The following FAM169A variants were observed in gnomAD, a reference collection of about 807,000 sequenced individuals.
FAM169A encodes soluble lamin-associated protein of 75 kDa.
A neutral mutation model predicts 75.7 loss-of-function variants in FAM169A; 24 were observed. The ratio of observed to expected loss-of-function variants is 0.32; its 90% CI spans 0.23 to 0.45. The LOEUF is 0.45. FAM169A is among the 20% of genes least tolerant of loss of function. The pLI, the probability that FAM169A is intolerant of heterozygous loss-of-function variation, is 1.00. For synonymous variants in FAM169A, 271 were observed against 271.0 expected (o/e 1.00, Z 0.00); for missense variants, 673 against 784.0 (o/e 0.86, Z 1.69).
chr5:74,809,544 CGAGATTGTGCCACT>C (rs1299866262), intron 6 of FAM169A, among the ~76,000 whole-genome samples: 1 of 151,948 alleles, frequency 6.6e-6, no homozygotes, highest in Admixed American at 6.6e-5. Context: ...TGCAGTGAGC[CGAGATTGTGCCACT>C]GCACTCCAGC....
intron 11 of FAM169A, among the ~76,000 whole-genome samples, chr5:74,795,173 A>G (rs1053171037): frequency 1.1e-4 from 17 of 151,240 alleles, no homozygotes; most frequent in Admixed American, 9.9e-4. Context: ...CAGGAGAATC[A>G]CTTGAACCCA....
chr5:74,821,009 A>C (rs946713529), intron 5 of FAM169A, among the ~76,000 whole-genome samples: 19 of 152,242 alleles, frequency 1.2e-4, no homozygotes, highest in African/African-American at 4.6e-4. Context: ...TCACTATTCC[A>C]TCACTTCATT....
intron 5 of FAM169A, among the ~76,000 whole-genome samples, chr5:74,822,634 A>G (rs1747820882): frequency 6.6e-6 from 1 of 152,162 alleles, no homozygotes; most frequent in African/African-American, 2.4e-5. Context: ...CTCACTTTAT[A>G]CAACAGTTTT....
intron 11 of FAM169A, among the ~76,000 whole-genome samples, chr5:74,793,246 A>T (rs1057055437): frequency 2.2e-4 from 33 of 151,358 alleles, no homozygotes; most frequent in African/African-American, 7.0e-4. Context: ...AATCACTTGA[A>T]CCAGGGAGTT....
intron 1 of FAM169A, among the ~76,000 whole-genome samples, chr5:74,853,525 AG>A (rs1200210941): frequency 3.9e-5 from 6 of 152,150 alleles, no homozygotes; most frequent in Admixed American, 3.3e-4. Context: ...CCTGGTGGCC[AG>A]GTTTAAAGGT....
At position 74,818,878 on chromosome 5, in the gene FAM169A, T is replaced by C. The variant is rs150234080; in HGVS notation, c.491-4859A>G. On this transcript the variant is annotated intron_variant, in intron 5 of 12. Transcript: ENST00000687041. ...TGGGCAGGTTTTCGTATGTCAGTTA[T>C]ATCACAATAAGGCTGGGAAAAATGT... Among the ~76,000 whole-genome samples the C allele has an allele frequency of 1.4e-3, 209 of 151,872 alleles. 2 individuals carry two copies. Among genetic ancestry groups the C allele is most frequent in the African/African-American group, 4.6e-3 (191 of 41,386 alleles).
chr5:74,791,145 T>C (rs529218634), intron 11 of FAM169A, among the ~76,000 whole-genome samples: 1 of 152,306 alleles, frequency 6.6e-6, no homozygotes, highest in African/African-American at 2.4e-5. Context: ...AGCAGCTGGA[T>C]TGACAGAATG....
chr5:74,863,023 TAAAAA>T (rs10634527), intron 1 of FAM169A, among the ~76,000 whole-genome samples: 7 of 126,606 alleles, frequency 5.5e-5, no homozygotes, highest in Non-Finnish European at 9.7e-5. Context: ...TGTATTCATT[TAAAAA>T]AAAAAAAAAA....
chr5:74,850,860 G>A lies in FAM169A; in HGVS notation c.-3-9181C>T, dbSNP rs575034504. 1.2e-4 allele frequency among the ~76,000 whole-genome samples: 19 copies of A among 152,180 alleles called. No individual in the cohort carries two copies. In the South Asian group the frequency reaches 3.9e-3, roughly 32 times the overall value. ...CATGAATAGAAAATTCATAAAACAG[G>A]AAAAACAAACCACTTCTTTTTTTGA... On this transcript the variant is annotated intron_variant, in intron 1 of 12. Coordinates refer to ENST00000687041, the MANE Select transcript of FAM169A (RefSeq NM_001376049.1).
At chr5:74,862,640 C>T (rs901179217) in intron 1 of FAM169A, among the ~76,000 whole-genome samples, 9 of 152,188 alleles carry the variant, frequency 5.9e-5, no homozygotes, top group Non-Finnish European at 1.3e-4. Flanking sequence ...TTACTTTGCA[C>T]ATTCATGTTT....
intron 3 of FAM169A, 56 bp from the exon 4 acceptor site, chr5:74,839,106 T>A (rs1748718842): frequency 8.3e-7 from 1 of 1,212,018 alleles, no homozygotes; most frequent in Non-Finnish European, 1.2e-6. Flanking sequence ...CTTTTAGACT[T>A]AATAAGGCCA....
chr5:74,788,191 G>C (rs769287430), intron 11 of FAM169A, among the ~76,000 whole-genome samples: 4 of 152,186 alleles, frequency 2.6e-5, no homozygotes, highest in Non-Finnish European at 2.9e-5. Flanking sequence ...ATGAAGATCA[G>C]GTAATCTAAT....
intron 1 of FAM169A, among the ~76,000 whole-genome samples, chr5:74,850,327 A>C (rs560838563): frequency 6.6e-6 from 1 of 152,326 alleles, no homozygotes; most frequent in Admixed American, 6.5e-5. Flanking sequence ...AGGCAGCCCT[A>C]ATACGGTTAA....
At chr5:74,799,269 C>T in intron 10 of FAM169A, 1 of 1,536,358 alleles carries the variant, frequency 6.5e-7, no homozygotes, top group Non-Finnish European at 9.0e-7. Context: ...CACTGATGAT[C>T]CTGAGAATTA....
At chr5:74,854,531 T>C (rs1406750508) in intron 1 of FAM169A, among the ~76,000 whole-genome samples, 2 of 152,188 alleles carry the variant, frequency 1.3e-5, no homozygotes, top group African/African-American at 4.8e-5. Context: ...TGTTGAGCTG[T>C]CAAGTGCTAG....
intron 6 of FAM169A, 39 bp from the exon 7 acceptor site, chr5:74,805,323 A>G (rs1240242106): frequency 6.2e-7 from 1 of 1,601,726 alleles, no homozygotes; most frequent in Admixed American, 1.7e-5. Flanking sequence ...AATCCCAAAT[A>G]TCCACTGTTT....
intron 1 of FAM169A, among the ~76,000 whole-genome samples, chr5:74,857,356 G>T (rs1749763888): frequency 6.6e-6 from 1 of 151,718 alleles, no homozygotes; most frequent in Non-Finnish European, 1.5e-5. Flanking sequence ...TTCAAGACCA[G>T]CCTGGGCAAC....
chr5:74,853,330 T>C (rs910571840), intron 1 of FAM169A, among the ~76,000 whole-genome samples: 2 of 152,212 alleles, frequency 1.3e-5, no homozygotes, highest in Non-Finnish European at 2.9e-5. Flanking sequence ...CACCTCGCAT[T>C]GTGTTGAAAC....
rs550329674 is a variant in FAM169A at position 74,850,177 on chromosome 5, A to C, written c.-3-8498T>G. 3.3e-5 allele frequency among the ~76,000 whole-genome samples: 5 copies of C among 152,334 alleles called. No homozygotes were observed. In the South Asian group the frequency reaches 6.2e-4, roughly 19 times the overall value. ...ATTCTCTTCACTTGGCCGAAAAGGA[A>C]ACAAAGACACAAAGTGGCTGAGTAA... On this transcript the variant is annotated intron_variant, in intron 1 of 12. Transcript: ENST00000687041.
Sources: gnomAD v4.1 joint callset for allele counts (sites outside exome capture counted in the v4.1 genomes callset) on GRCh38, gnomAD v4.1.1 for gene constraint, MANE v1.5 for transcripts, NCBI Gene and HGNC (gene_info 2026-07-23, HGNC 2026-07-21) for gene names.